Variants in NCAPG2 observed in about 807,000 individuals in gnomAD.
NCAPG2 encodes non-SMC condensin II complex subunit G2.
NCAPG2 carries 53 observed loss-of-function variants against 141.1 expected under a neutral mutation model. The observed-to-expected ratio is 0.38, with a 90% CI of 0.30 to 0.47. The LOEUF is 0.47. Ranked by LOEUF, NCAPG2 falls within the 20% of genes least tolerant of loss-of-function variation. NCAPG2 has a pLI of 0.99. For synonymous variants in NCAPG2, 499 were observed against 490.7 expected (o/e 1.02, Z -0.22); for missense variants, 1,087 against 1,389.0 (o/e 0.78, Z 3.46).
intron 13 of NCAPG2, among the ~76,000 whole-genome samples, chr7:158,666,211 CAT>C (rs1832923730): frequency 1.3e-5 from 2 of 152,210 alleles, no homozygotes; most frequent in South Asian, 4.1e-4. Flanking sequence ...TACTAGGACT[CAT>C]ATTCTGACCA....
At position 158,664,598 on chromosome 7, in the gene NCAPG2, C is replaced by G; in HGVS notation, c.1632G>C (p.Val544=). The change falls in exon 14 of 28, where the codon GTG becomes GTC. Residue 544 remains valine, a synonymous_variant. Coordinates refer to ENST00000356309, the MANE Select transcript of NCAPG2 (RefSeq NM_017760.7). ...EVWCERCVTL[V]QMNHAAARRF... ...TCCTGGCAGCGGCGTGGTTCATCTG[C>G]ACCAGGGTGACACAGCGCTCGCACC... is the stretch of plus-strand genomic sequence containing the variant. The G allele has an allele frequency of 6.2e-7, 1 of 1,614,130 alleles. No homozygotes were observed. The highest frequency in any genetic ancestry group is 8.5e-7 in the Non-Finnish European group (1 of 1,180,018).
intron 13 of NCAPG2, among the ~76,000 whole-genome samples, chr7:158,666,756 G>A (rs1440274907): frequency 1.3e-5 from 2 of 151,734 alleles, no homozygotes; most frequent in Non-Finnish European, 2.9e-5. Context: ...GGGAAACCCT[G>A]TCTCAAAAAA....
At chr7:158,664,365 A>C (rs780088236) in intron 14 of NCAPG2, 69 bp from the exon 15 acceptor site, 1 of 1,529,654 alleles carries the variant, frequency 6.5e-7, no homozygotes, top group Non-Finnish European at 9.0e-7. Flanking sequence ...TCTGATAGTG[A>C]AATTATAATC....
chr7:158,675,564 C>T lies in NCAPG2; in HGVS notation c.1239G>A (p.Pro413=), dbSNP rs370565592. 145 of 1,613,658 alleles carry T rather than the reference C, an allele frequency of 9.0e-5. No individual in the cohort carries two copies. In the African/African-American group the frequency reaches 1.6e-3, roughly 18 times the overall value. The change falls in exon 12 of 28, where the codon CCG becomes CCA. Residue 413 remains proline, a synonymous_variant. Coordinates refer to ENST00000356309, the MANE Select transcript of NCAPG2 (RefSeq NM_017760.7). The part of the protein sequence containing the change: ...ITSKYWEMMP[P]TILIDLLKKV... Reference sequence around the variant, plus strand: ...TCTTCAGGAGGTCAATAAGAATGGTCGGGGGCATCATTTCCCAGTACTTAG... The same window carrying T: ...TCTTCAGGAGGTCAATAAGAATGGTTGGGGGCATCATTTCCCAGTACTTAG...
intron 2 of NCAPG2, among the ~76,000 whole-genome samples, chr7:158,696,865 T>C (rs1835479226): frequency 6.6e-6 from 1 of 152,168 alleles, no homozygotes. Context: ...TCAAATATAG[T>C]CAGGCAATGC....
intron 19 of NCAPG2, among the ~76,000 whole-genome samples, chr7:158,655,806 G>GT (rs1216929508): frequency 2.8e-4 from 1 of 3,528 alleles, no homozygotes; most frequent in Non-Finnish European, 5.4e-4. Flanking sequence ...GCGTAACAGG[G>GT]TGTTCAGAGG....
intron 13 of NCAPG2, among the ~76,000 whole-genome samples, chr7:158,667,719 C>T (rs1833229132): frequency 3.5e-5 from 1 of 28,380 alleles, no homozygotes; most frequent in Non-Finnish European, 7.2e-5. Flanking sequence ...GGTCCCTCCG[C>T]CCTCCTTACC....
chr7:158,685,216 A>G (rs945496740), intron 8 of NCAPG2, among the ~76,000 whole-genome samples: 3 of 152,238 alleles, frequency 2.0e-5, no homozygotes, highest in African/African-American at 4.8e-5. Context: ...CCCTATCTTC[A>G]TAACATAAAT....
intron 27 of NCAPG2, among the ~76,000 whole-genome samples, chr7:158,637,403 A>AAG (rs1441625784): frequency 9.6e-6 from 1 of 104,134 alleles, no homozygotes; most frequent in African/African-American, 3.6e-5. Flanking sequence ...GGGGTGCTGG[A>AAG]AGGTCACTGG....
chr7:158,702,092 T>A (rs1174401776), intron 1 of NCAPG2, among the ~76,000 whole-genome samples, 154 bp from the exon 2 acceptor site: 1 of 152,220 alleles, frequency 6.6e-6, no homozygotes, highest in East Asian at 1.9e-4. Flanking sequence ...CACGCTATAA[T>A]ATCTGAAAAA....
At chr7:158,672,887 T>C (rs1464959602) in intron 12 of NCAPG2, among the ~76,000 whole-genome samples, 2 of 152,236 alleles carry the variant, frequency 1.3e-5, no homozygotes, top group Non-Finnish European at 2.9e-5. Context: ...TCAACTTCTC[T>C]GGTCTTTCTT....
intron 24 of NCAPG2, among the ~76,000 whole-genome samples, chr7:158,647,905 G>A (rs930085055): frequency 1.3e-5 from 2 of 151,958 alleles, no homozygotes; most frequent in Admixed American, 6.6e-5. Flanking sequence ...GGTTGGCCTC[G>A]AACTCCTGGC....
rs142638260 is a variant in NCAPG2 at position 158,651,860 on chromosome 7, C to T, written c.2934+433G>A. Among the ~76,000 whole-genome samples the T allele has an allele frequency of 5.9e-5, 9 of 152,296 alleles. 1 individual carries two copies. The highest frequency in any genetic ancestry group is 1.9e-4 in the African/African-American group (8 of 41,540). Reference sequence around the variant, plus strand: ...GCATTTCACCTGACAAGATGTCTGCCACTCTACAAGTATCAAAATTAGCAT... The same window carrying T: ...GCATTTCACCTGACAAGATGTCTGCTACTCTACAAGTATCAAAATTAGCAT... On this transcript the variant is annotated intron_variant, in intron 23 of 27. Coordinates refer to ENST00000356309, the MANE Select transcript of NCAPG2 (RefSeq NM_017760.7).
intron 16 of NCAPG2, among the ~76,000 whole-genome samples, chr7:158,660,049 T>G (rs543672831): frequency 5.8e-4 from 88 of 151,624 alleles, no homozygotes; most frequent in African/African-American, 1.8e-3. Flanking sequence ...GAGGCGAGGC[T>G]TGCAGCCAAG....
At chr7:158,660,092 A>G (rs1832360739) in intron 16 of NCAPG2, among the ~76,000 whole-genome samples, 1 of 151,426 alleles carries the variant, frequency 6.6e-6, no homozygotes, top group African/African-American at 2.4e-5. Context: ...TGGGCGACAG[A>G]GCGAGAAAAA....
chr7:158,679,974 A>G lies in NCAPG2; in HGVS notation c.1132T>C (p.Phe378Leu), dbSNP rs1251275735. The change falls in exon 11 of 28, where the codon TTT becomes CTT. Residue 378 changes from phenylalanine to leucine, a missense_variant. By Grantham distance (22) the Phe-to-Leu change is conservative (BLOSUM62 0). Coordinates refer to ENST00000356309, the MANE Select transcript of NCAPG2 (RefSeq NM_017760.7). ...IEMDSEIQKQ[F>L]EELYSLLEDP... ...GAAGTACGTACATAGAGCTCTTCAAACTGTTTCTGGATTTCACTATCCATT... is the reference window on the plus strand; with the variant it reads ...GAAGTACGTACATAGAGCTCTTCAAGCTGTTTCTGGATTTCACTATCCATT... The G allele has an allele frequency of 1.2e-6, 2 of 1,613,964 alleles. No homozygotes were observed. The highest frequency in any genetic ancestry group is 2.7e-5 in the African/African-American group (2 of 74,918).
intron 27 of NCAPG2, among the ~76,000 whole-genome samples, chr7:158,643,065 C>T (rs1830755067): frequency 6.6e-6 from 1 of 152,190 alleles, no homozygotes; most frequent in African/African-American, 2.4e-5. Context: ...CAGGTTCAAG[C>T]AATTCTTCTG....
At chr7:158,636,978 T>C (rs1208696431) in intron 27 of NCAPG2, among the ~76,000 whole-genome samples, 8 of 151,740 alleles carry the variant, frequency 5.3e-5, no homozygotes, top group South Asian at 2.1e-4. Flanking sequence ...GACGGAGCCC[T>C]GCTCTGTCAC....
Position 158,675,557 on chromosome 7 carries a change from G to C in NCAPG2, c.1246C>G (p.Leu416Val), listed in dbSNP as rs980574142. ...KYWEMMPPTI[L>V]IDLLKKVTGE... Reference sequence around the variant, plus strand: ...GTCACCTTCTTCAGGAGGTCAATAAGAATGGTCGGGGGCATCATTTCCCAG... The same window carrying C: ...GTCACCTTCTTCAGGAGGTCAATAACAATGGTCGGGGGCATCATTTCCCAG... The change falls in exon 12 of 28, where the codon CTT (leucine) becomes GTT (valine). Residue 416 changes from leucine to valine, a missense_variant. Physicochemically the swap from Leu to Val is conservative, Grantham distance 32. Transcript: ENST00000356309. The C allele has an allele frequency of 5.6e-6, 9 of 1,613,602 alleles. No homozygotes were observed. The highest frequency in any genetic ancestry group is 5.0e-5 in the Admixed American group (3 of 59,860).
Sources: allele counts gnomAD v4.1 joint callset (sites outside exome capture counted in the v4.1 genomes callset), GRCh38; gene constraint gnomAD v4.1.1; transcripts MANE v1.5; gene names NCBI Gene and HGNC (gene_info 2026-07-23, HGNC 2026-07-21).